The following ARID1B variants were observed in gnomAD, a reference collection of about 807,000 sequenced individuals.
ARID1B encodes the protein AT-rich interaction domain 1B, also known as AT-rich interactive domain-containing protein 1B.
ARID1B carries 30 observed loss-of-function variants against 212.3 expected under a neutral mutation model. That is an observed-to-expected ratio of 0.14 (90% confidence interval 0.11 to 0.19). The LOEUF (loss-of-function observed/expected upper bound fraction) is 0.19, where lower values mean the gene tolerates loss of function less well. ARID1B is among the 10% of genes least tolerant of loss of function. The pLI, the probability that ARID1B is intolerant of heterozygous loss-of-function variation, is 1.00. For missense variants in ARID1B, 2,891 were observed against 3,204.0 expected (o/e 0.90, Z 2.36); for synonymous variants, 1,402 against 1,301.7 (o/e 1.08, Z -1.66).
chr6:156,826,508 T>C (rs1391247556), intron 1 of ARID1B, among the ~76,000 whole-genome samples: 2 of 152,186 alleles, frequency 1.3e-5, no homozygotes, highest in Non-Finnish European at 2.9e-5. Flanking sequence ...AGTAAATGTG[T>C]GGTGAATGGA....
At chr6:156,871,855 T>C (rs1361780851) in intron 2 of ARID1B, among the ~76,000 whole-genome samples, 1 of 152,226 alleles carries the variant, frequency 6.6e-6, no homozygotes, top group East Asian at 1.9e-4. Context: ...ACTGGGCTCA[T>C]TGTAAGTTAC....
At chr6:156,960,445 GTATT>G (rs1794295185) in intron 4 of ARID1B, among the ~76,000 whole-genome samples, 1 of 150,918 alleles carries the variant, frequency 6.6e-6, no homozygotes, top group African/African-American at 2.5e-5. Context: ...TTTTCATTTG[GTATT>G]TAGTTTAATC....
intron 8 of ARID1B, among the ~76,000 whole-genome samples, chr6:157,160,698 G>C (rs1790872034): frequency 6.6e-6 from 1 of 152,172 alleles, no homozygotes; most frequent in African/African-American, 2.4e-5. Context: ...AGAACCATAA[G>C]CCTGGCCCCG....
At chr6:157,141,424 T>G (rs900570011) in intron 7 of ARID1B, 2 of 152,216 alleles carry the variant, frequency 1.3e-5, no homozygotes, top group African/African-American at 4.8e-5. Context: ...AAGAGAAATA[T>G]GGTACCTTAT....
chr6:156,872,809 C>T (rs1786248727), intron 2 of ARID1B, among the ~76,000 whole-genome samples: 1 of 116,708 alleles, frequency 8.6e-6, no homozygotes, highest in South Asian at 3.5e-4. Flanking sequence ...GGATGTTGTT[C>T]GTGAGCCTGC....
At position 157,190,151 on chromosome 6, in the gene ARID1B, A is replaced by C. The variant is rs1303872467; in HGVS notation, c.4172A>C (p.Asp1391Ala). The part of the protein sequence containing the change: ...APYQQGMSMP[D>A]VMGRMPYEPN... ...TACCAGCAGGGCATGAGCATGCCCGATGTGATGGGCAGGATGCCCTATGAG... is the reference window on the plus strand; with the variant it reads ...TACCAGCAGGGCATGAGCATGCCCGCTGTGATGGGCAGGATGCCCTATGAG... The change falls in exon 15 of 20, where the codon GAT becomes GCT. Residue 1391 changes from aspartate to alanine, a missense_variant. Physicochemically the swap from Asp to Ala is moderately radical, Grantham distance 126. Coordinates refer to ENST00000636930, the MANE Select transcript of ARID1B (RefSeq NM_001374828.1). The surrounding 1 kb of genome is among the most constrained non-coding windows in gnomAD (Gnocchi z 4.6). 1 of 1,613,994 alleles carries C rather than the reference A, an allele frequency of 6.2e-7. No individual in the cohort carries two copies. Among genetic ancestry groups the C allele is most frequent in the Non-Finnish European group, 8.5e-7 (1 of 1,180,026 alleles).
At chr6:156,847,410 A>G (rs1433503347) in intron 2 of ARID1B, among the ~76,000 whole-genome samples, 4 of 152,184 alleles carry the variant, frequency 2.6e-5, no homozygotes, top group African/African-American at 4.8e-5. Flanking sequence ...CTCAGGGGAA[A>G]GGGTCTCCCA....
rs544174963 is a variant in ARID1B, at chr6:157,195,986, G to A, written c.4232-179G>A. ...TGACGCAGGAGAATCGCCTGAACCCGGGAGGCAGAGGTTGCAGTGAGCCAA... is the reference window on the plus strand; with the variant it reads ...TGACGCAGGAGAATCGCCTGAACCCAGGAGGCAGAGGTTGCAGTGAGCCAA... On this transcript the variant is annotated intron_variant, in intron 15 of 19. Transcript: ENST00000636930. The A allele has an allele frequency of 1.7e-4, 108 of 627,368 alleles. 3 individuals carry two copies. The South Asian group carries it at 2.0e-3, about 12-fold the overall frequency. The allele number at this position is 627,368 out of a possible 1,614,324, so 38.9% of individuals were successfully genotyped here. A position where few individuals can be genotyped will look rare whatever the true frequency, so the allele number is the denominator to read the frequency against.
intron 5 of ARID1B, among the ~76,000 whole-genome samples, chr6:157,097,769 G>T (rs888189075): frequency 2.6e-5 from 4 of 152,178 alleles, no homozygotes; most frequent in Admixed American, 1.3e-4. Flanking sequence ...TTCTCCTGGG[G>T]GCCCAGGTGG....
At chr6:157,134,847 A>T (rs1188100711) in intron 7 of ARID1B, among the ~76,000 whole-genome samples, 1 of 152,188 alleles carries the variant, frequency 6.6e-6, no homozygotes, top group Non-Finnish European at 1.5e-5. Context: ...CAAGATGCAG[A>T]CCTTGTTCTC....
intron 4 of ARID1B, among the ~76,000 whole-genome samples, chr6:157,027,164 T>C (rs959974301): frequency 1.3e-5 from 2 of 152,174 alleles, no homozygotes; most frequent in Non-Finnish European, 2.9e-5. Context: ...CATTTTTTCT[T>C]AGCTTCAAAC....
chr6:157,144,782 G>A (rs1789607085), intron 7 of ARID1B, among the ~76,000 whole-genome samples: 1 of 152,204 alleles, frequency 6.6e-6, no homozygotes, highest in Non-Finnish European at 1.5e-5. Flanking sequence ...ACAGACAGGG[G>A]AGCCTATGTG....
At chr6:157,102,604 CTTTTTTTTTTTTT>C (rs35977420) in intron 5 of ARID1B, among the ~76,000 whole-genome samples, 3 of 66,250 alleles carry the variant, frequency 4.5e-5, no homozygotes, top group Admixed American at 2.1e-4. Flanking sequence ...CTGAGTGGTT[CTTTTTTTTTTTTT>C]TTTTTTTTTT....
At position 157,184,059 on chromosome 6, in the gene ARID1B, T is replaced by C. The variant is rs534615531; in HGVS notation, c.3715-172T>C. Among the ~76,000 whole-genome samples, 12 of 152,306 alleles carry C rather than the reference T, an allele frequency of 7.9e-5. No individual in the cohort carries two copies. In the East Asian group the frequency reaches 2.3e-3, roughly 29 times the overall value. On this transcript the variant is annotated intron_variant, in intron 12 of 19. Coordinates refer to ENST00000636930, the MANE Select transcript of ARID1B (RefSeq NM_001374828.1). The stretch of plus-strand genomic sequence containing the variant: ...CTGTTGCCATCAGCAGGTTCCCTAA[T>C]GGTTTTATAACTGTAAATGCTGCCT...
At chr6:157,001,020 GC>G (rs1344060626) in intron 4 of ARID1B, among the ~76,000 whole-genome samples, 3 of 152,048 alleles carry the variant, frequency 2.0e-5, no homozygotes, top group Non-Finnish European at 4.4e-5. Flanking sequence ...AATAAAGCAT[GC>G]CCAGGTTAGA....
In ARID1B at chr6:157,155,000, G is replaced by A. The variant is rs146880744; in HGVS notation, c.3089+6049G>A. 3.3e-5 allele frequency among the ~76,000 whole-genome samples: 5 copies of A among 152,166 alleles called. No individual in the cohort carries two copies. In the East Asian group the frequency reaches 9.7e-4, roughly 29 times the overall value. On this transcript the variant is annotated intron_variant, in intron 8 of 19. Coordinates refer to ENST00000636930, the MANE Select transcript of ARID1B (RefSeq NM_001374828.1). ...CTGCTCCTAGAAACCAAATAGTAAC[G>A]AGTATCTTCGTGGATCTTCCACCTC...
At position 156,901,600 on chromosome 6, in the gene ARID1B, T is replaced by A. The variant is rs781094126; in HGVS notation, c.2136+75T>A. 5.0e-4 allele frequency: 739 copies of A among 1,487,250 alleles called. 1 individual carries two copies. The highest frequency in any genetic ancestry group is 6.3e-4 in the Non-Finnish European group (709 of 1,117,992). 92.1% of individuals were successfully genotyped at this position (1,487,250 alleles called of 1,614,324 possible). On this transcript the variant is annotated intron_variant, in intron 3 of 19. Coordinates refer to ENST00000636930, the MANE Select transcript of ARID1B (RefSeq NM_001374828.1). Reference sequence around the variant, plus strand: ...GACCCGGCTCTGAATCATCTTCCTGTCCTTTATTAAAAATTATGTTCTGGT... The same window carrying A: ...GACCCGGCTCTGAATCATCTTCCTGACCTTTATTAAAAATTATGTTCTGGT...
At chr6:156,838,788 T>C (rs770110109) in intron 2 of ARID1B, among the ~76,000 whole-genome samples, 5 of 151,954 alleles carry the variant, frequency 3.3e-5, no homozygotes, top group Non-Finnish European at 7.4e-5. Context: ...ATCAGTATCA[T>C]AATCATTGTT....
At chr6:157,005,560 C>T (rs1779202730) in intron 4 of ARID1B, among the ~76,000 whole-genome samples, 2 of 152,026 alleles carry the variant, frequency 1.3e-5, no homozygotes. Flanking sequence ...GATGAAAAGC[C>T]CAGAGTAGGC....
Sources: gnomAD v4.1 joint callset for allele counts (sites outside exome capture counted in the v4.1 genomes callset) on GRCh38, gnomAD v4.1.1 for gene constraint, Gnocchi (gnomAD v3.1) non-coding constraint, MANE v1.5 for transcripts, NCBI Gene and HGNC (gene_info 2026-07-23, HGNC 2026-07-21) for gene names.